Variants in MTHFD2L observed in about 807,000 individuals in gnomAD.
MTHFD2L encodes methylenetetrahydrofolate dehydrogenase (NADP+ dependent) 2 like.
A neutral mutation model predicts 34.9 loss-of-function variants in MTHFD2L; 29 were observed. The ratio of observed to expected loss-of-function variants is 0.83; its 90% confidence interval spans 0.62 to 1.13. The LOEUF (loss-of-function observed/expected upper bound fraction) is 1.13. Ranked by LOEUF, MTHFD2L falls within the 50% of genes most tolerant of loss-of-function variation. The pLI is 0.00. For missense variants in MTHFD2L, 481 were observed against 446.5 expected (o/e 1.08, Z -0.70); for synonymous variants, 167 against 155.7 (o/e 1.07, Z -0.54).
At position 74,302,032 on chromosome 4, in the gene MTHFD2L, G is replaced by A. The variant is rs1750385468; in HGVS notation, c.*223G>A. ...CAAAACAATTCCAATGAAAATTTTAGTAACAATTGTTTATTTTGAGGGTAT... is the reference window on the plus strand; with the variant it reads ...CAAAACAATTCCAATGAAAATTTTAATAACAATTGTTTATTTTGAGGGTAT... On this transcript the variant is annotated 3_prime_UTR_variant, in exon 8 of 8. Transcript: ENST00000325278. The A allele has an allele frequency of 8.2e-6, 3 of 366,012 alleles. No homozygotes were observed. Among genetic ancestry groups the A allele is most frequent in the Non-Finnish European group, 1.5e-5 (3 of 204,398 alleles). The allele number at this position is 366,012 out of a possible 1,614,324, so 22.7% of individuals were successfully genotyped here.
At position 74,205,997 on chromosome 4, in the gene MTHFD2L, ATGTT is replaced by A. The variant is rs551413049; in HGVS notation, c.712+4630_712+4633del. Among the ~76,000 whole-genome samples, 7 of 152,274 alleles carry A rather than the reference ATGTT, an allele frequency of 4.6e-5. No homozygotes were observed. The South Asian group carries it at 1.5e-3, about 32-fold the overall frequency. ...AGAATGAGCTCCACTAATTATTAGA[ATGTT>A]TGAGTACCATTGTGACCACCTGTAG... On this transcript the variant is annotated intron_variant, in intron 5 of 7. Transcript: ENST00000325278.
intron 6 of MTHFD2L, among the ~76,000 whole-genome samples, chr4:74,264,925 T>G (rs537827331): frequency 1.8e-4 from 28 of 152,324 alleles, no homozygotes; most frequent in African/African-American, 6.7e-4. Flanking sequence ...ATAAGAAACC[T>G]TCCATATTAT....
chr4:74,261,915 TAATACGTGTAA>T (rs1744727122), intron 6 of MTHFD2L, among the ~76,000 whole-genome samples: 1 of 152,028 alleles, frequency 6.6e-6, no homozygotes. Context: ...CAAATAGAGA[TAATACGTGTAA>T]AGCACTTAGA....
At chr4:74,209,880 C>G (rs1463598505) in intron 5 of MTHFD2L, among the ~76,000 whole-genome samples, 2 of 152,128 alleles carry the variant, frequency 1.3e-5, no homozygotes, top group Non-Finnish European at 2.9e-5. Flanking sequence ...TTTTAATGAT[C>G]TCCATTCTAA....
intron 6 of MTHFD2L, among the ~76,000 whole-genome samples, chr4:74,256,149 C>A (rs529928296): frequency 1.3e-5 from 2 of 152,292 alleles, no homozygotes; most frequent in South Asian, 4.1e-4. Flanking sequence ...TTTCCCCCAG[C>A]CTCACCAGCA....
At chr4:74,119,969 T>G (rs1490719115), upstream of MTHFD2L, among the ~76,000 whole-genome samples, 2 of 151,886 alleles carry the variant, frequency 1.3e-5, no homozygotes, top group Non-Finnish European at 2.9e-5. Flanking sequence ...AACAAGACTT[T>G]GGAGTTTTTC....
chr4:74,256,720 G>T (rs556084982), intron 6 of MTHFD2L, among the ~76,000 whole-genome samples: 8 of 152,244 alleles, frequency 5.3e-5, no homozygotes, highest in Admixed American at 4.6e-4. Context: ...ATTGTCAGTG[G>T]GGAAACGTAT....
intron 7 of MTHFD2L, among the ~76,000 whole-genome samples, chr4:74,285,452 C>T (rs1748046719): frequency 2.0e-5 from 3 of 152,072 alleles, no homozygotes; most frequent in African/African-American, 7.2e-5. Context: ...AGAAATAAAA[C>T]ACTTCAGTTC....
At chr4:74,271,711 T>A (rs965094165) in intron 6 of MTHFD2L, among the ~76,000 whole-genome samples, 5 of 152,312 alleles carry the variant, frequency 3.3e-5, no homozygotes, top group African/African-American at 1.2e-4. Flanking sequence ...GTGAAGAAAG[T>A]CATTGGTAGC....
rs1042592150 is a variant in MTHFD2L, at chr4:74,252,368, A to G, written c.805+26974A>G. 4.6e-5 allele frequency among the ~76,000 whole-genome samples: 7 copies of G among 152,198 alleles called. No individual in the cohort carries two copies. In the East Asian group the frequency reaches 1.4e-3, roughly 29 times the overall value. On this transcript the variant is annotated intron_variant, in intron 6 of 7. Transcript: ENST00000325278. ...ATGAGATATCTCGGGGGTCATAACA[A>G]CATAGGCACTTAACAAAGACAAGGA...
chr4:74,222,484 A>G (rs961506292), intron 5 of MTHFD2L, among the ~76,000 whole-genome samples: 9 of 152,108 alleles, frequency 5.9e-5, no homozygotes, highest in African/African-American at 1.9e-4. Context: ...TCCATTCATG[A>G]GGGCAGAGGA....
intron 6 of MTHFD2L, among the ~76,000 whole-genome samples, chr4:74,258,634 G>A (rs900405082): frequency 6.6e-6 from 1 of 151,860 alleles, no homozygotes; most frequent in African/African-American, 2.4e-5. Context: ...GTATTTCAAG[G>A]GATGACTGTA....
intron 6 of MTHFD2L, among the ~76,000 whole-genome samples, chr4:74,231,723 C>G (rs991874317): frequency 2.0e-5 from 3 of 152,106 alleles, no homozygotes; most frequent in African/African-American, 7.2e-5. Context: ...GAATCTCAAT[C>G]TGTTCATTGA....
intron 6 of MTHFD2L, chr4:74,267,434 A>G (rs7659389): frequency 0.3 from 86,695 of 292,016 alleles, 17,330 homozygotes; most frequent in African/African-American, 0.69. Context: ...CTTTGACAGC[A>G]TATCACTTTG....
intron 3 of MTHFD2L, among the ~76,000 whole-genome samples, chr4:74,185,396 A>C (rs1350659662): frequency 6.6e-6 from 1 of 152,098 alleles, no homozygotes; most frequent in Non-Finnish European, 1.5e-5. Flanking sequence ...GAAATCAGTA[A>C]TCTCATCTTA....
upstream of MTHFD2L, among the ~76,000 whole-genome samples, chr4:74,120,879 G>C (rs1721743255): frequency 6.6e-6 from 1 of 152,188 alleles, no homozygotes; most frequent in South Asian, 2.1e-4. Context: ...CAGTGACACA[G>C]AATGGGTTAA....
In MTHFD2L at chr4:74,158,356, C is replaced by G. The variant is rs1218577375; in HGVS notation, c.143+75C>G. 6.4e-6 allele frequency: 7 copies of G among 1,085,630 alleles called. No homozygotes were observed. In the African/African-American group the frequency reaches 1.2e-4, roughly 18 times the overall value. 67.2% of individuals were successfully genotyped at this position (1,085,630 alleles called of 1,614,324 possible). A position where few individuals can be genotyped will look rare whatever the true frequency, so the allele number is the denominator to read the frequency against. ...GGCGGGGGCGCGGGCGGCGCTCGCG[C>G]GCGTGGGGCCCAAGGCTCGTGGGCG... On this transcript the variant is annotated intron_variant, in intron 1 of 7. Transcript: ENST00000325278.
chr4:74,261,911 G>C (rs1197955705), intron 6 of MTHFD2L, among the ~76,000 whole-genome samples: 1 of 152,012 alleles, frequency 6.6e-6, no homozygotes, highest in Non-Finnish European at 1.5e-5. Flanking sequence ...AGGTCAAATA[G>C]AGATAATACG....
chr4:74,246,420 T>G (rs997876069), intron 6 of MTHFD2L, among the ~76,000 whole-genome samples: 3 of 151,920 alleles, frequency 2.0e-5, no homozygotes, highest in Non-Finnish European at 2.9e-5. Context: ...TTCTCCCATT[T>G]TGTAGGTTGC....
Sources: gnomAD v4.1 joint callset for allele counts (sites outside exome capture counted in the v4.1 genomes callset) on GRCh38, gnomAD v4.1.1 for gene constraint, MANE v1.5 for transcripts, NCBI Gene and HGNC (gene_info 2026-07-23, HGNC 2026-07-21) for gene names.